MYLK: variants seen among roughly 807,000 people sequenced by gnomAD.
MYLK encodes the protein myosin light chain kinase.
MYLK carries 106 observed loss-of-function variants against 203.4 expected under a neutral mutation model. The ratio of observed to expected loss-of-function variants is 0.52; its 90% CI spans 0.45 to 0.61. The LOEUF (loss-of-function observed/expected upper bound fraction) is 0.61. Among genes scored for constraint, MYLK ranks in the 20% least tolerant of loss-of-function variants. The pLI is 0.00. For missense variants in MYLK, 2,072 were observed against 2,442.3 expected (o/e 0.85, Z 3.20); for synonymous variants, 867 against 959.5 (o/e 0.90, Z 1.78).
chr3:123,820,362 A>G (rs2065880991), intron 3 of MYLK, among the ~76,000 whole-genome samples: 1 of 152,148 alleles, frequency 6.6e-6, no homozygotes, highest in Admixed American at 6.5e-5. Context: ...ACAGTTAAGG[A>G]TAAGGTTATG....
At chr3:123,792,902 C>T (rs190301188) in intron 4 of MYLK, among the ~76,000 whole-genome samples, 30 of 152,294 alleles carry the variant, frequency 2.0e-4, no homozygotes, top group African/African-American at 7.2e-4. Context: ...CAATTCAGTA[C>T]AGCCCCAGGC....
At chr3:123,756,820 G>A (rs2063373578) in intron 4 of MYLK, among the ~76,000 whole-genome samples, 1 of 152,144 alleles carries the variant, frequency 6.6e-6, no homozygotes, top group Non-Finnish European at 1.5e-5. Context: ...CATTTAATTG[G>A]AGGTTGTATT....
intron 2 of MYLK, among the ~76,000 whole-genome samples, chr3:123,837,036 AAC>A (rs1358743074): frequency 2.6e-5 from 4 of 152,080 alleles, no homozygotes; most frequent in African/African-American, 9.7e-5. Context: ...CAGTTATAGT[AAC>A]ATTTCTTTTT....
Position 123,637,224 on chromosome 3 carries a change from G to A in MYLK, c.4961+847C>T, listed in dbSNP as rs13318297. On this transcript the variant is annotated intron_variant, in intron 29 of 33. Transcript: ENST00000360304. Reference sequence around the variant, plus strand: ...CACACAGGTTCAGGGGCTAATGACCGTCCGCACCCTGGGGCTTCAGGGACT... The same window carrying A: ...CACACAGGTTCAGGGGCTAATGACCATCCGCACCCTGGGGCTTCAGGGACT... Among the ~76,000 whole-genome samples, 809 of 152,316 alleles carry A rather than the reference G, an allele frequency of 5.3e-3. 3 individuals are homozygous for A. The highest frequency in any genetic ancestry group is 0.019 in the African/African-American group (788 of 41,570).
rs113303192 is a variant in MYLK, at chr3:123,634,745, C to G, written c.4961+3326G>C. On this transcript the variant is annotated intron_variant, in intron 29 of 33. Transcript: ENST00000360304. ...AGAGCTGTTGTGGCCTCCCCACAGG[C>G]AGCAAGGAAGTACCAAGTCCAGGAA... Among the ~76,000 whole-genome samples, 925 of 152,254 alleles carry G rather than the reference C, an allele frequency of 6.1e-3. 10 individuals are homozygous for G. Among genetic ancestry groups the G allele is most frequent in the South Asian group, 0.022 (106 of 4,816 alleles).
intron 2 of MYLK, among the ~76,000 whole-genome samples, chr3:123,870,803 T>C (rs1262932930): frequency 6.6e-6 from 1 of 152,234 alleles, no homozygotes; most frequent in Non-Finnish European, 1.5e-5. Flanking sequence ...GTGACAGAGA[T>C]GGTATAGCCT....
Position 123,677,927 on chromosome 3 carries a change from A to G in MYLK, c.3652+4297T>C, listed in dbSNP as rs1279009944. ...TATATATATATATATATACACACAC[A>G]CACACACAGAGTACATCCTGAGACT... is the stretch of plus-strand genomic sequence containing the variant. On this transcript the variant is annotated intron_variant, in intron 20 of 33. Coordinates refer to ENST00000360304, the MANE Select transcript of MYLK (RefSeq NM_053025.4). Among the ~76,000 whole-genome samples the G allele has an allele frequency of 4.2e-5, 6 of 143,664 alleles. No homozygotes were observed. The East Asian group carries it at 1.1e-3, about 26-fold the overall frequency. 94.2% of individuals were successfully genotyped at this position (143,664 alleles called of 152,430 possible).
At chr3:123,801,795 A>G (rs1407443103) in intron 3 of MYLK, among the ~76,000 whole-genome samples, 1 of 152,176 alleles carries the variant, frequency 6.6e-6, no homozygotes, top group African/African-American at 2.4e-5. Context: ...TCTATGGTGT[A>G]TATGTGCCAC....
intron 4 of MYLK, among the ~76,000 whole-genome samples, chr3:123,762,357 G>C (rs2063563245): frequency 6.6e-6 from 1 of 151,722 alleles, no homozygotes; most frequent in Admixed American, 6.6e-5. Context: ...AGCCTCCCAA[G>C]TAGCTGGGAC....
chr3:123,776,259 A>T (rs2064073852), intron 4 of MYLK, among the ~76,000 whole-genome samples: 1 of 152,156 alleles, frequency 6.6e-6, no homozygotes. Flanking sequence ...AGATGTGACA[A>T]GGCAAGTTTG....
intron 5 of MYLK, among the ~76,000 whole-genome samples, chr3:123,751,855 G>A (rs1576845439): frequency 6.6e-6 from 1 of 152,180 alleles, no homozygotes; most frequent in East Asian, 1.9e-4. Context: ...GATGTGAAAG[G>A]AGCGTCAGGT....
chr3:123,772,753 T>G (rs1007448800), intron 4 of MYLK, among the ~76,000 whole-genome samples: 70 of 152,114 alleles, frequency 4.6e-4, no homozygotes, highest in Admixed American at 1.6e-3. Flanking sequence ...TAGCCAAACA[T>G]ATAAAAATGT....
rs573493537 is a variant in MYLK at position 123,830,110 on chromosome 3, T to C, written c.-4+1438A>G. Among the ~76,000 whole-genome samples, 4 of 152,370 alleles carry C rather than the reference T, an allele frequency of 2.6e-5. No homozygotes were observed. The East Asian group carries it at 5.8e-4, about 22-fold the overall frequency. ...AGAGGCACTACTTTCATCCTGACTT[T>C]TGGCCAGGCAGATGTGTCTTTAAAA... is the stretch of plus-strand genomic sequence containing the variant. On this transcript the variant is annotated intron_variant, in intron 3 of 33. Coordinates refer to ENST00000360304, the MANE Select transcript of MYLK (RefSeq NM_053025.4).
chr3:123,790,466 G>A (rs917476226), intron 4 of MYLK, among the ~76,000 whole-genome samples: 1 of 152,190 alleles, frequency 6.6e-6, no homozygotes, highest in African/African-American at 2.4e-5. Flanking sequence ...GTGAGGGACT[G>A]AGCCCACAGA....
chr3:123,708,324 G>A (rs886850374), intron 15 of MYLK, among the ~76,000 whole-genome samples: 1 of 152,204 alleles, frequency 6.6e-6, no homozygotes, highest in Non-Finnish European at 1.5e-5. Flanking sequence ...CACTTTATGT[G>A]TGCTTAACTT....
intron 5 of MYLK, among the ~76,000 whole-genome samples, chr3:123,740,808 C>T (rs1367920611): frequency 6.6e-6 from 1 of 152,252 alleles, no homozygotes; most frequent in African/African-American, 2.4e-5. Flanking sequence ...CCATAGTAGG[C>T]GCTATCCTAC....
intron 2 of MYLK, among the ~76,000 whole-genome samples, chr3:123,848,512 A>T (rs1273490717): frequency 1.3e-5 from 2 of 149,220 alleles, no homozygotes; most frequent in Non-Finnish European, 3.0e-5. Context: ...ATGCTAAAAT[A>T]AAAAAAAACA....
At chr3:123,854,684 G>A (rs966097745) in intron 2 of MYLK, among the ~76,000 whole-genome samples, 5 of 152,134 alleles carry the variant, frequency 3.3e-5, no homozygotes, top group African/African-American at 1.2e-4. Context: ...ATCAATAGAA[G>A]CCCAAACCTT....
chr3:123,872,225 T>A (rs2032841243), intron 2 of MYLK, among the ~76,000 whole-genome samples: 1 of 152,016 alleles, frequency 6.6e-6, no homozygotes. Flanking sequence ...GAGTAGAGAG[T>A]TGAATAAAGT....
Sources: allele counts gnomAD v4.1 joint callset (sites outside exome capture counted in the v4.1 genomes callset), GRCh38; gene constraint gnomAD v4.1.1; transcripts MANE v1.5; gene names NCBI Gene and HGNC (gene_info 2026-07-23, HGNC 2026-07-21).